The following RGS10 variants were observed in gnomAD, a reference collection of about 807,000 sequenced individuals.
RGS10 encodes regulator of G protein signaling 10.
In RGS10, 11 loss-of-function variants were observed where a neutral mutation model predicts 23.5. The observed-to-expected ratio is 0.47, with a 90% CI of 0.29 to 0.77. The LOEUF (loss-of-function observed/expected upper bound fraction) is 0.77. Ranked by LOEUF, RGS10 falls within the 30% of genes least tolerant of loss-of-function variation. The pLI is 0.08. For missense variants in RGS10, 180 were observed against 226.3 expected, an observed-to-expected ratio of 0.80 and a Z score of 1.31; for synonymous variants, 77 against 83.2, an observed-to-expected ratio of 0.92 and a Z score of 0.41.
At chr10:119,537,519 C>A (rs967556320) in intron 1 of RGS10, among the ~76,000 whole-genome samples, 1 of 152,024 alleles carries the variant, frequency 6.6e-6, no homozygotes, top group African/African-American at 2.4e-5. Context: ...GGCACAGAGA[C>A]GATAAATAAT....
At chr10:119,514,711 T>TA (rs35359145) in intron 4 of RGS10, among the ~76,000 whole-genome samples, 6,637 of 150,818 alleles carry the variant, frequency 0.044, 265 homozygotes, top group East Asian at 0.2. Flanking sequence ...AAATGGTAGT[T>TA]AGTGTTGTCA....
At chr10:119,520,922 A>G (rs539584447) in intron 3 of RGS10, among the ~76,000 whole-genome samples, 1 of 152,300 alleles carries the variant, frequency 6.6e-6, no homozygotes, top group South Asian at 2.1e-4. Flanking sequence ...GGAAGGAAAA[A>G]AAGTTACTAA....
chr10:119,535,271 G>GAAAAAAAAA (rs34636046), intron 1 of RGS10, among the ~76,000 whole-genome samples: 1 of 122,370 alleles, frequency 8.2e-6, no homozygotes. Flanking sequence ...AATCCATGCA[G>GAAAAAAAAA]AAAAAAAAAA....
chr10:119,523,490 C>A (rs748874531), intron 3 of RGS10, among the ~76,000 whole-genome samples: 1 of 135,524 alleles, frequency 7.4e-6, no homozygotes, highest in Non-Finnish European at 1.7e-5. Flanking sequence ...CATGGTGAAA[C>A]CCTGTCTCTA....
At chr10:119,500,305 G>C (rs1381309810) in intron 4 of RGS10, 46 bp from the exon 5 acceptor site, 2 of 1,557,906 alleles carry the variant, frequency 1.3e-6, no homozygotes, top group Admixed American at 3.9e-5. Context: ...GGCTAATCCA[G>C]GCCATAAATC....
At chr10:119,539,242 C>T (rs1362599950) in intron 1 of RGS10, among the ~76,000 whole-genome samples, 2 of 152,202 alleles carry the variant, frequency 1.3e-5, no homozygotes, top group South Asian at 4.1e-4. Context: ...ACCCTGCTGC[C>T]GAGTTGTTAA....
Position 119,527,499 on chromosome 10 carries a change from G to T in RGS10, c.50-75C>A. 8.9e-7 allele frequency: 1 copy of T among 1,125,488 alleles called. No individual in the cohort carries two copies. The highest frequency in any genetic ancestry group is 1.4e-6 in the Non-Finnish European group (1 of 740,574). 69.7% of individuals were successfully genotyped at this position (1,125,488 alleles called of 1,614,324 possible). The stretch of plus-strand genomic sequence containing the variant: ...TTAAGAAATCTGCATGCAATGGTCA[G>T]CACTGCCGTCACCATCACGGCTGAC... On this transcript the variant is annotated intron_variant, in intron 1 of 4. Coordinates refer to ENST00000369103, the MANE Select transcript of RGS10 (RefSeq NM_001005339.2). The surrounding 1 kb of genome is among the most constrained non-coding windows in gnomAD (Gnocchi z 4.2).
intron 4 of RGS10, among the ~76,000 whole-genome samples, chr10:119,508,618 G>A (rs535611631): frequency 6.6e-6 from 1 of 152,330 alleles, no homozygotes; most frequent in Non-Finnish European, 1.5e-5. Context: ...AGACTTCAAT[G>A]TGTTCCATTC....
intron 4 of RGS10, among the ~76,000 whole-genome samples, chr10:119,513,596 G>A (rs779786248): frequency 6.6e-6 from 1 of 152,048 alleles, no homozygotes; most frequent in African/African-American, 2.4e-5. Context: ...TAAGGGGCAC[G>A]CCTACTCATA....
chr10:119,526,101 T>C lies in RGS10; in HGVS notation c.186A>G (p.Glu62=). The change falls in exon 3 of 5, where the codon GAA becomes GAG. Residue 62 remains glutamate, a synonymous_variant. Coordinates refer to ENST00000369103, the MANE Select transcript of RGS10 (RefSeq NM_001005339.2). ...VKRFREFLKK[E]FSEENVLFWL... ...AAAACAAAACATTTTCTTCACTGAA[T>C]TCCTTTTTTAAAAATTCCTGTGGAT... The C allele has an allele frequency of 6.4e-7, 1 of 1,566,170 alleles. No individual in the cohort carries two copies. The highest frequency in any genetic ancestry group is 1.2e-5 in the South Asian group (1 of 84,014).
chr10:119,517,465 C>T lies in RGS10; in HGVS notation c.256-1813G>A, dbSNP rs1056438867. On this transcript the variant is annotated intron_variant, in intron 3 of 4. Transcript: ENST00000369103. This position sits in a 1 kb window ranked among gnomAD's most constrained non-coding sequence, Gnocchi z 5.0. The stretch of plus-strand genomic sequence containing the variant: ...GCACTTAGGAGCTGGCCCTGCTGTC[C>T]TCTCCAAGACCCACCAGCTCCATGA... Among the ~76,000 whole-genome samples, 4 of 152,340 alleles carry T rather than the reference C, an allele frequency of 2.6e-5. No individual in the cohort carries two copies. The East Asian group carries it at 7.7e-4, about 29-fold the overall frequency.
chr10:119,500,092 C>T lies in RGS10; in HGVS notation c.*21G>A. 1 of 1,608,070 alleles carries T rather than the reference C, an allele frequency of 6.2e-7. No homozygotes were observed. The highest frequency in any genetic ancestry group is 8.5e-7 in the Non-Finnish European group (1 of 1,178,174). On this transcript the variant is annotated 3_prime_UTR_variant, in exon 5 of 5. Coordinates refer to ENST00000369103, the MANE Select transcript of RGS10 (RefSeq NM_001005339.2). Reference sequence around the variant, plus strand: ...AAATTCCTTTGCTTCTTAAAGCTGCCAGTCCCGGCTTTTTGGGGGCTCATG... The same window carrying T: ...AAATTCCTTTGCTTCTTAAAGCTGCTAGTCCCGGCTTTTTGGGGGCTCATG...
intron 4 of RGS10, among the ~76,000 whole-genome samples, chr10:119,511,039 G>A (rs969995044): frequency 3.3e-5 from 5 of 152,108 alleles, no homozygotes; most frequent in African/African-American, 1.2e-4. Context: ...TTTTAAAGAA[G>A]AAAAGACACT....
chr10:119,500,111 G>C lies in RGS10; in HGVS notation c.*2C>G. The C allele has an allele frequency of 1.2e-6, 2 of 1,612,550 alleles. No individual in the cohort carries two copies. The highest frequency in any genetic ancestry group is 8.5e-7 in the Non-Finnish European group (1 of 1,179,636). On this transcript the variant is annotated 3_prime_UTR_variant, in exon 5 of 5. Transcript: ENST00000369103. ...AGCTGCCAGTCCCGGCTTTTTGGGG[G>C]CTCATGTGTTATAAATTCTGGAAGC...
intron 1 of RGS10, among the ~76,000 whole-genome samples, chr10:119,534,738 A>C (rs1257710991): frequency 6.6e-6 from 1 of 151,184 alleles, no homozygotes; most frequent in Non-Finnish European, 1.5e-5. Context: ...AAAATACAAA[A>C]AATTAGCCAG....
intron 1 of RGS10, among the ~76,000 whole-genome samples, chr10:119,535,906 C>G (rs1409936891): frequency 6.6e-6 from 1 of 152,192 alleles, no homozygotes; most frequent in Non-Finnish European, 1.5e-5. Context: ...AGTACACACC[C>G]CACAAAACTT....
In RGS10 at chr10:119,504,338, C is replaced by T. The variant is rs186704739; in HGVS notation, c.400-4079G>A. ...CTGAGTAGCTGTGATTACAGGTGTG[C>T]GCCACCACACCCAGCTAAGTAGAGA... On this transcript the variant is annotated intron_variant, in intron 4 of 4. Transcript: ENST00000369103. 3.5e-3 allele frequency among the ~76,000 whole-genome samples: 536 copies of T among 152,164 alleles called. 5 individuals are homozygous for T. Among genetic ancestry groups the T allele is most frequent in the African/African-American group, 0.012 (495 of 41,514 alleles).
intron 1 of RGS10, among the ~76,000 whole-genome samples, chr10:119,532,477 G>A (rs1197984975): frequency 2.0e-5 from 3 of 152,142 alleles, no homozygotes; most frequent in East Asian, 3.9e-4. Flanking sequence ...CACTTTGGGA[G>A]GCCAAGGCAG....
intron 1 of RGS10, chr10:119,536,458 C>A: frequency 6.2e-7 from 1 of 1,613,210 alleles, no homozygotes; most frequent in Non-Finnish European, 8.5e-7. Context: ...GGGGGCGATT[C>A]CTTACGTTCC....
Sources: gnomAD v4.1 joint callset for allele counts (sites outside exome capture counted in the v4.1 genomes callset) on GRCh38, gnomAD v4.1.1 for gene constraint, Gnocchi (gnomAD v3.1) non-coding constraint, MANE v1.5 for transcripts, NCBI Gene and HGNC (gene_info 2026-07-23, HGNC 2026-07-21) for gene names.